Variants in ATP8A2 observed in about 807,000 individuals in gnomAD.
The protein encoded by ATP8A2 is phospholipid-transporting ATPase IB.
ATP8A2 carries 100 observed loss-of-function variants against 165.6 expected under a neutral mutation model. That is an observed-to-expected ratio of 0.60 (90% CI 0.51 to 0.71). The LOEUF (loss-of-function observed/expected upper bound fraction) is 0.71. Among genes scored for constraint, ATP8A2 ranks in the 30% least tolerant of loss-of-function variants. The pLI, the probability that ATP8A2 is intolerant of heterozygous loss-of-function variation, is 0.00. For synonymous variants in ATP8A2, 543 were observed against 548.8 expected (o/e 0.99, Z 0.15); for missense variants, 1,227 against 1,479.5 (o/e 0.83, Z 2.80).
chr13:25,916,858 T>C (rs1342568540), intron 33 of ATP8A2, among the ~76,000 whole-genome samples: 1 of 152,154 alleles, frequency 6.6e-6, no homozygotes, highest in Non-Finnish European at 1.5e-5. Flanking sequence ...CCTCCTCTTA[T>C]CTCTATTTAT....
intron 8 of ATP8A2, among the ~76,000 whole-genome samples, chr13:25,541,337 A>G (rs1190092223): frequency 2.0e-5 from 3 of 152,120 alleles, no homozygotes; most frequent in African/African-American, 7.2e-5. Flanking sequence ...AGCCTGGGCA[A>G]CATAGCAAGA....
chr13:25,660,226 C>T (rs1016713709), intron 24 of ATP8A2, among the ~76,000 whole-genome samples: 2 of 152,268 alleles, frequency 1.3e-5, no homozygotes, highest in East Asian at 1.9e-4. Flanking sequence ...GAGTTTTCTT[C>T]CTTAAAGTGA....
intron 25 of ATP8A2, among the ~76,000 whole-genome samples, chr13:25,704,199 C>T (rs147677613): frequency 2.4e-4 from 37 of 152,278 alleles, no homozygotes; most frequent in Non-Finnish European, 4.9e-4. Flanking sequence ...ACAAACTCCC[C>T]GTGGCACCTC....
At chr13:25,994,909 CTTTTCTG>C (rs528099886) in intron 35 of ATP8A2, among the ~76,000 whole-genome samples, 3 of 151,924 alleles carry the variant, frequency 2.0e-5, no homozygotes, top group Non-Finnish European at 4.4e-5. Flanking sequence ...GTGTCTTTTC[CTTTTCTG>C]TTTTCTGGAA....
chr13:25,547,799 G>A (rs993719229), intron 10 of ATP8A2, among the ~76,000 whole-genome samples: 1 of 152,136 alleles, frequency 6.6e-6, no homozygotes, highest in African/African-American at 2.4e-5. Flanking sequence ...TAAGATACAG[G>A]TCTGATTTCA....
chr13:25,656,314 C>T (rs1386004246), intron 24 of ATP8A2, among the ~76,000 whole-genome samples: 2 of 151,602 alleles, frequency 1.3e-5, no homozygotes, highest in East Asian at 2.0e-4. Flanking sequence ...CTTACTCTGT[C>T]GCCCAGGCTG....
chr13:25,468,939 T>C (rs759505168), intron 1 of ATP8A2, 38 bp from the exon 2 acceptor site: 1 of 1,603,400 alleles, frequency 6.2e-7, no homozygotes, highest in African/African-American at 1.3e-5. Flanking sequence ...GGTTGACTTC[T>C]TTGTGTCGTA....
At chr13:25,731,967 A>G (rs1446290303) in intron 25 of ATP8A2, among the ~76,000 whole-genome samples, 1 of 152,216 alleles carries the variant, frequency 6.6e-6, no homozygotes, top group Admixed American at 6.5e-5. Flanking sequence ...CTGCTTCCAT[A>G]GGTGGGCAGT....
At chr13:25,473,337 G>A (rs2035900443) in intron 2 of ATP8A2, among the ~76,000 whole-genome samples, 1 of 152,190 alleles carries the variant, frequency 6.6e-6, no homozygotes, top group Non-Finnish European at 1.5e-5. Context: ...GAATTATGAA[G>A]TAGTCTTTTT....
chr13:25,894,977 C>T (rs1437505642), intron 33 of ATP8A2, among the ~76,000 whole-genome samples: 2 of 152,314 alleles, frequency 1.3e-5, no homozygotes, highest in African/African-American at 2.4e-5. Flanking sequence ...ATGTCATCTG[C>T]AAACAGGGAG....
chr13:25,687,748 C>T (rs1170397667), intron 24 of ATP8A2, among the ~76,000 whole-genome samples: 1 of 151,756 alleles, frequency 6.6e-6, no homozygotes, highest in East Asian at 1.9e-4. Context: ...ACTGTTTATT[C>T]TTTTTAGTAA....
chr13:25,676,742 T>A (rs1260905153), intron 24 of ATP8A2, among the ~76,000 whole-genome samples: 3 of 152,186 alleles, frequency 2.0e-5, no homozygotes, highest in Non-Finnish European at 4.4e-5. Context: ...TTGATGAAAG[T>A]ATACATGTAT....
chr13:25,768,074 C>CG (rs759733827), intron 25 of ATP8A2, among the ~76,000 whole-genome samples: 2 of 6,760 alleles, frequency 3.0e-4, no homozygotes, highest in African/African-American at 2.6e-3. Flanking sequence ...TGTGTGGTGG[C>CG]GTGGGGGGGG....
chr13:25,608,424 C>T, intron 24 of ATP8A2, among the ~76,000 whole-genome samples: 1 of 152,186 alleles, frequency 6.6e-6, no homozygotes, highest in East Asian at 1.9e-4. Flanking sequence ...ATGTTCTCTA[C>T]TCTCAAGTTT....
chr13:25,455,315 A>G lies in ATP8A2; in HGVS notation c.77-13662A>G, dbSNP rs188729874. ...TCGAGTGTGCCATAGACACTCAGCT[A>G]TGATTCAAGATTGTATGTCAGACAT... On this transcript the variant is annotated intron_variant, in intron 1 of 36. Coordinates refer to ENST00000381655, the MANE Select transcript of ATP8A2 (RefSeq NM_016529.6). Among the ~76,000 whole-genome samples, 98 of 152,322 alleles carry G rather than the reference A, an allele frequency of 6.4e-4. 1 individual carries two copies. Among genetic ancestry groups the G allele is most frequent in the Non-Finnish European group, 1.1e-3 (77 of 68,032 alleles).
At chr13:25,471,396 G>A (rs2035841578) in intron 2 of ATP8A2, among the ~76,000 whole-genome samples, 1 of 151,372 alleles carries the variant, frequency 6.6e-6, no homozygotes, top group South Asian at 2.1e-4. Context: ...TGTCTCCCAG[G>A]CTGGAGTGCA....
chr13:25,891,620 G>T (rs902673853), intron 33 of ATP8A2, among the ~76,000 whole-genome samples: 1 of 152,098 alleles, frequency 6.6e-6, no homozygotes, highest in Non-Finnish European at 1.5e-5. Flanking sequence ...CACTGTGCCC[G>T]GCCAGATCTG....
At chr13:25,630,809 A>T (rs888055384) in intron 24 of ATP8A2, among the ~76,000 whole-genome samples, 2 of 152,186 alleles carry the variant, frequency 1.3e-5, no homozygotes, top group East Asian at 1.9e-4. Flanking sequence ...TACTCTGGAC[A>T]TACCAAAGGC....
At chr13:25,716,293 T>C (rs1221090098) in intron 25 of ATP8A2, among the ~76,000 whole-genome samples, 1 of 152,214 alleles carries the variant, frequency 6.6e-6, no homozygotes, top group Admixed American at 6.5e-5. Context: ...TTTCACTTGA[T>C]GGTATTGTTT....
Sources: allele counts gnomAD v4.1 joint callset (sites outside exome capture counted in the v4.1 genomes callset), GRCh38; gene constraint gnomAD v4.1.1; transcripts MANE v1.5; gene names NCBI Gene and HGNC (gene_info 2026-07-23, HGNC 2026-07-21).